The following HBEGF variants were observed in gnomAD, a reference collection of about 807,000 sequenced individuals.
HBEGF encodes proheparin-binding EGF-like growth factor.
Under a neutral mutation model 19.5 loss-of-function variants are expected in HBEGF, and 8 were observed. The observed-to-expected ratio is 0.41, with a 90% CI of 0.24 to 0.74. The LOEUF is 0.74. Ranked by LOEUF, HBEGF falls within the 30% of genes least tolerant of loss-of-function variation. The pLI, the probability that HBEGF is intolerant of heterozygous loss-of-function variation, is 0.32. For synonymous variants in HBEGF, 97 were observed against 108.9 expected, an observed-to-expected ratio of 0.89 and a Z score of 0.68; for missense variants, 207 against 256.9, an observed-to-expected ratio of 0.81 and a Z score of 1.33.
chr5:140,340,252 C>T (rs1444473566), intron 3 of HBEGF, among the ~76,000 whole-genome samples: 1 of 151,410 alleles, frequency 6.6e-6, no homozygotes, highest in Admixed American at 6.6e-5. Flanking sequence ...TGTCACTGCA[C>T]TCCAGCCTGG....
intron 2 of HBEGF, chr5:140,343,091 G>C (rs1766340509): frequency 2.5e-6 from 1 of 400,058 alleles, no homozygotes; most frequent in East Asian, 4.2e-5. Context: ...GAATGCTTTT[G>C]TTGAGTAACT....
In HBEGF at chr5:140,336,014, A is replaced by G. The variant is rs1766222556; in HGVS notation, c.412T>C (p.Tyr138His). Residue 138 changes from tyrosine to histidine, a missense_variant, in exon 4 of 6, where the codon TAC becomes CAC. Coordinates refer to ENST00000230990, the MANE Select transcript of HBEGF (RefSeq NM_001945.3). ...AGCCCATGACACCTCTCTCCATGGT[A>G]ACCCGGGTGGCAGCTAGTTCAAGAC... ...RAPSCICHPG[Y>H]HGERCHGLSL... is the part of the protein sequence containing the mutation. 6.2e-7 allele frequency: 1 copy of G among 1,613,630 alleles called. No individual in the cohort carries two copies. The highest frequency in any genetic ancestry group is 1.7e-5 in the Admixed American group (1 of 59,980).
intron 4 of HBEGF, 86 bp downstream of exon 4, chr5:140,335,786 G>T: frequency 1.5e-6 from 2 of 1,370,976 alleles, no homozygotes; most frequent in Non-Finnish European, 2.0e-6. Context: ...TGAGGGAAGT[G>T]CATGTGACCA....
In HBEGF at chr5:140,342,733, C is replaced by A. The variant is rs767490440; in HGVS notation, c.300G>T (p.Gly100=). 6.2e-7 allele frequency: 1 copy of A among 1,614,200 alleles called. No individual in the cohort carries two copies. The highest frequency in any genetic ancestry group is 8.5e-7 in the Non-Finnish European group (1 of 1,180,038). Residue 100 remains glycine, a synonymous_variant, in exon 3 of 6, where the codon GGG becomes GGT. Coordinates refer to ENST00000230990, the MANE Select transcript of HBEGF (RefSeq NM_001945.3). ...GACATGGGTCCCTCTTCTTCCCTAGCCCCTTGCCTTTCTTCTTTCTTTTCC... is the reference window on the plus strand; with the variant it reads ...GACATGGGTCCCTCTTCTTCCCTAGACCCTTGCCTTTCTTCTTTCTTTTCC... The part of the protein sequence containing the change: ...EHGKRKKKGK[G]LGKKRDPCLR...
chr5:140,334,934 G>A (rs534968907), intron 4 of HBEGF, 186 bp from the exon 5 acceptor site: 1 of 613,496 alleles, frequency 1.6e-6, no homozygotes, highest in Non-Finnish European at 2.9e-6. Context: ...TCTAATAGCA[G>A]GATGCAATTT....
chr5:140,336,361 T>C (rs1181195194), intron 3 of HBEGF, among the ~76,000 whole-genome samples: 1 of 152,200 alleles, frequency 6.6e-6, no homozygotes, highest in Non-Finnish European at 1.5e-5. Context: ...TTATGACATG[T>C]GTGTTCAGGC....
At chr5:140,335,244 T>C (rs4150234) in intron 4 of HBEGF, 34,593 of 157,990 alleles carry the variant, frequency 0.22, 3,974 homozygotes, top group East Asian at 0.3. Context: ...ATTAGCTGGG[T>C]GTGGTGGCGG....
intron 4 of HBEGF, among the ~76,000 whole-genome samples, chr5:140,335,399 A>AAAAG (rs1561538702): frequency 3.4e-4 from 51 of 148,912 alleles, no homozygotes; most frequent in Non-Finnish European, 3.6e-4. Context: ...AAAAAAAAAA[A>AAAAG]AAAGAAAGAA....
At position 140,342,715 on chromosome 5, in the gene HBEGF, G is replaced by T; in HGVS notation, c.318C>A (p.Asp106Glu). 2 of 1,614,152 alleles carry T rather than the reference G, an allele frequency of 1.2e-6. No homozygotes were observed. Among genetic ancestry groups the T allele is most frequent in the Non-Finnish European group, 1.7e-6 (2 of 1,180,006 alleles). Residue 106 changes from aspartate (D) to glutamate (E), a missense_variant, in exon 3 of 6, where the codon GAC becomes GAA. Asp to Glu is a conservative substitution (Grantham distance 45). Coordinates refer to ENST00000230990, the MANE Select transcript of HBEGF (RefSeq NM_001945.3). ...AGTCCTTGTATTTCCGAAGACATGG[G>T]TCCCTCTTCTTCCCTAGCCCCTTGC... Reference protein sequence around the residue: ...KKGKGLGKKRDPCLRKYKDFC... With the variant: ...KKGKGLGKKREPCLRKYKDFC...
At chr5:140,341,436 G>A (rs1766309160) in intron 3 of HBEGF, among the ~76,000 whole-genome samples, 1 of 152,168 alleles carries the variant, frequency 6.6e-6, no homozygotes, top group East Asian at 1.9e-4. Flanking sequence ...TAATATGGGG[G>A]CTTTCTATGC....
At chr5:140,341,932 C>T (rs1036667149) in intron 3 of HBEGF, among the ~76,000 whole-genome samples, 1 of 152,208 alleles carries the variant, frequency 6.6e-6, no homozygotes, top group Admixed American at 6.5e-5. Flanking sequence ...TCCACCCACA[C>T]ACCTACCCAG....
chr5:140,342,498 C>G, intron 3 of HBEGF, 137 bp downstream of exon 3: 2 of 828,342 alleles, frequency 2.4e-6, no homozygotes, highest in Non-Finnish European at 3.9e-6. Context: ...ATATATTTCC[C>G]CTCCTCCCAA....
chr5:140,345,804 C>T, intron 2 of HBEGF, 107 bp downstream of exon 2: 1 of 1,375,988 alleles, frequency 7.3e-7, no homozygotes, highest in Non-Finnish European at 1.0e-6. Context: ...CCGAGGTTCT[C>T]CATGAATACC....
At chr5:140,334,934 G>T in intron 4 of HBEGF, 186 bp from the exon 5 acceptor site, 1 of 613,616 alleles carries the variant, frequency 1.6e-6, no homozygotes, top group Non-Finnish European at 2.9e-6. Flanking sequence ...TCTAATAGCA[G>T]GATGCAATTT....
intron 2 of HBEGF, among the ~76,000 whole-genome samples, 170 bp downstream of exon 2, chr5:140,345,741 T>C (rs555945988): frequency 3.9e-4 from 59 of 151,674 alleles, no homozygotes; most frequent in African/African-American, 1.3e-3. Flanking sequence ...AGAGAGAGAG[T>C]GGGACCTATA....
chr5:140,339,455 C>G (rs1392687048), intron 3 of HBEGF, among the ~76,000 whole-genome samples: 1 of 152,114 alleles, frequency 6.6e-6, no homozygotes, highest in Non-Finnish European at 1.5e-5. Flanking sequence ...TGCAATGGCA[C>G]TATCTCGGCT....
chr5:140,346,457 C>T lies in HBEGF; in HGVS notation c.-129G>A. 9.9e-7 allele frequency: 1 copy of T among 1,007,538 alleles called. No individual in the cohort carries two copies. Among genetic ancestry groups the T allele is most frequent in the Non-Finnish European group, 1.5e-6 (1 of 668,926 alleles). 62.4% of individuals were successfully genotyped at this position (1,007,538 alleles called of 1,614,324 possible). A position where few individuals can be genotyped will look rare whatever the true frequency, so the allele number is the denominator to read the frequency against. On this transcript the variant is annotated 5_prime_UTR_variant, in exon 1 of 6. Coordinates refer to ENST00000230990, the MANE Select transcript of HBEGF (RefSeq NM_001945.3). This position sits in a 1 kb window ranked among gnomAD's most constrained non-coding sequence, Gnocchi z 6.1. Reference sequence around the variant, plus strand: ...GGGCACCGTCTGCCGCCCGCCTCTGCGTGCAAGCCTGGCCGGGACCCAGGC... The same window carrying T: ...GGGCACCGTCTGCCGCCCGCCTCTGTGTGCAAGCCTGGCCGGGACCCAGGC...
chr5:140,334,361 T>C (rs1195215176), intron 5 of HBEGF, 81 bp from the exon 6 acceptor site: 2 of 332,066 alleles, frequency 6.0e-6, no homozygotes. Context: ...TCTTTTTTAT[T>C]TTTAAACTTT....
rs758168327 is a variant in HBEGF, at chr5:140,346,106, G to A, written c.47-22C>T. ...AGAACTGCGGGCGAGAGGCCAGGCC[G>A]CATCAGACACCCGCCCAGACCCCTG... is the stretch of plus-strand genomic sequence containing the variant. On this transcript the variant is annotated intron_variant, in intron 1 of 5. Transcript: ENST00000230990. This position sits in a 1 kb window ranked among gnomAD's most constrained non-coding sequence, Gnocchi z 6.1. 4 of 1,603,028 alleles carry A rather than the reference G, an allele frequency of 2.5e-6. No individual in the cohort carries two copies. The highest frequency in any genetic ancestry group is 2.2e-5 in the South Asian group (2 of 90,470).
Sources: allele counts gnomAD v4.1 joint callset (sites outside exome capture counted in the v4.1 genomes callset), GRCh38; gene constraint gnomAD v4.1.1; non-coding constraint Gnocchi (gnomAD v3.1); transcripts MANE v1.5; gene names NCBI Gene and HGNC (gene_info 2026-07-23, HGNC 2026-07-21).